Variants in KMT2E observed in about 807,000 individuals in gnomAD.
KMT2E encodes histone reader KMT2E.
In KMT2E, 30 loss-of-function variants were observed where a neutral mutation model predicts 184.6. That is an observed-to-expected ratio of 0.16 (90% CI 0.12 to 0.22). The LOEUF (loss-of-function observed/expected upper bound fraction) is 0.22. Ranked by LOEUF, KMT2E falls within the 10% of genes least tolerant of loss-of-function variation. The pLI is 1.00. For missense variants in KMT2E, 2,023 were observed against 2,237.4 expected (o/e 0.90, Z 1.93); for synonymous variants, 815 against 776.5 (o/e 1.05, Z -0.82).
At chr7:105,107,101 A>T (rs548900109) in intron 20 of KMT2E, 65 bp from the exon 21 acceptor site, 1 of 879,650 alleles carries the variant, frequency 1.1e-6, no homozygotes, top group Admixed American at 2.6e-5. Flanking sequence ...TTTCATTTCT[A>T]TAATTATTAT....
intron 17 of KMT2E, chr7:105,103,775 T>C (rs1281910388): frequency 6.6e-6 from 1 of 151,586 alleles, no homozygotes; most frequent in Non-Finnish European, 1.5e-5. Flanking sequence ...TGTGTGTATA[T>C]ATATATACAT....
At chr7:105,066,202 C>G (rs928507966) in intron 5 of KMT2E, among the ~76,000 whole-genome samples, 4 of 152,096 alleles carry the variant, frequency 2.6e-5, no homozygotes, top group Non-Finnish European at 1.5e-5. Context: ...CTGCACATTC[C>G]AAGTCCTAAG....
chr7:105,113,107 C>T lies in KMT2E; in HGVS notation c.5351C>T (p.Pro1784Leu), dbSNP rs373230792. Residue 1784 changes from proline to leucine, a missense_variant, in exon 27 of 27, where the codon CCA (proline) becomes CTA (leucine). Around this residue, in one of 8 missense-constraint regions of KMT2E, gnomAD observed 1,108 missense variants for 1,050.9 expected, o/e 1.05. Transcript: ENST00000311117. ...GPQHQPSGTG[P>L]HCPLPVTGPH... ...CAGCACCAGCCTTCTGGAACAGGGC[C>T]ACATTGTCCATTACCTGTCACAGGT... 5.6e-6 allele frequency: 9 copies of T among 1,614,062 alleles called. No individual in the cohort carries two copies. In the Admixed American group the frequency reaches 6.7e-5, roughly 12 times the overall value.
chr7:105,047,093 C>T (rs914693268), intron 3 of KMT2E, among the ~76,000 whole-genome samples: 2 of 152,248 alleles, frequency 1.3e-5, no homozygotes, highest in African/African-American at 4.8e-5. Context: ...ACATAGGATG[C>T]ACTTAATTTC....
At chr7:105,032,678 A>T (rs956820102) in intron 1 of KMT2E, among the ~76,000 whole-genome samples, 3 of 151,992 alleles carry the variant, frequency 2.0e-5, no homozygotes, top group Non-Finnish European at 2.9e-5. Flanking sequence ...ATTTTTAAAA[A>T]TTTTTTTGTA....
intron 3 of KMT2E, among the ~76,000 whole-genome samples, chr7:105,057,801 C>T (rs892850445): frequency 6.6e-6 from 1 of 152,050 alleles, no homozygotes; most frequent in Non-Finnish European, 1.5e-5. Context: ...ATTATTTCAC[C>T]CATGTATTAT....
chr7:105,077,470 G>A (rs760649661), intron 11 of KMT2E, 37 bp downstream of exon 11: 2 of 1,535,660 alleles, frequency 1.3e-6, no homozygotes, highest in Non-Finnish European at 1.8e-6. Context: ...ATTTTCTGTA[G>A]GTAAATATTG....
chr7:105,022,093 A>G (rs1207418472), intron 1 of KMT2E, among the ~76,000 whole-genome samples: 1 of 152,070 alleles, frequency 6.6e-6, no homozygotes, highest in African/African-American at 2.4e-5. Flanking sequence ...AGCCCTTATT[A>G]CTGAAGTATG....
At chr7:105,053,354 T>C (rs1230121852) in intron 3 of KMT2E, among the ~76,000 whole-genome samples, 1 of 152,174 alleles carries the variant, frequency 6.6e-6, no homozygotes, top group East Asian at 1.9e-4. Context: ...ATAAAGAATT[T>C]TAACAAGTAC....
Position 105,091,153 on chromosome 7 carries a change from T to C in KMT2E, c.1624-63T>C, listed in dbSNP as rs1798187860. The C allele has an allele frequency of 5.5e-6, 4 of 721,780 alleles. No individual in the cohort carries two copies. In the South Asian group the frequency reaches 7.0e-5, roughly 13 times the overall value. 44.7% of individuals were successfully genotyped at this position (721,780 alleles called of 1,614,324 possible). On this transcript the variant is annotated intron_variant, in intron 14 of 26. Transcript: ENST00000311117. Reference sequence around the variant, plus strand: ...GTGGTTGAAAGACATTAAAATAGTTTAATGTCACTAGTTGTATAGATGGAA... The same window carrying C: ...GTGGTTGAAAGACATTAAAATAGTTCAATGTCACTAGTTGTATAGATGGAA...
At chr7:105,041,127 C>T (rs1211165522) in intron 3 of KMT2E, 104 bp downstream of exon 3, 3 of 629,124 alleles carry the variant, frequency 4.8e-6, no homozygotes. Flanking sequence ...TTCTTCTTTC[C>T]TAGCCATTTT....
chr7:105,059,450 T>G lies in KMT2E; in HGVS notation c.72-2714T>G, dbSNP rs28430714. ...CAAAGGCAGTTTGGTAGTATCAGTT[T>G]TATGTACATTTACCCTTTTGTTCAG... On this transcript the variant is annotated intron_variant, in intron 3 of 26. Transcript: ENST00000311117. 6.9e-3 allele frequency among the ~76,000 whole-genome samples: 1,054 copies of G among 152,334 alleles called. 17 individuals are homozygous for G. Among genetic ancestry groups the G allele is most frequent in the African/African-American group, 0.024 (1,008 of 41,580 alleles).
chr7:105,082,982 G>A (rs1797817304), intron 13 of KMT2E, among the ~76,000 whole-genome samples: 1 of 152,058 alleles, frequency 6.6e-6, no homozygotes, highest in South Asian at 2.1e-4. Context: ...AATTTCTCTG[G>A]TGTGGTGTCT....
At position 105,066,924 on chromosome 7, in the gene KMT2E, G is replaced by T. The variant is rs536909168; in HGVS notation, c.497+117G>T. 11 of 742,786 alleles carry T rather than the reference G, an allele frequency of 1.5e-5. No individual in the cohort carries two copies. In the East Asian group the frequency reaches 3.0e-4, roughly 20 times the overall value. The allele number at this position is 742,786 out of a possible 1,614,324, so 46.0% of individuals were successfully genotyped here. A position where few individuals can be genotyped will look rare whatever the true frequency, so the allele number is the denominator to read the frequency against. On this transcript the variant is annotated intron_variant, in intron 6 of 26. Transcript: ENST00000311117. ...TAATGAATCACAGCCGGGCATGGTG[G>T]CTCATGCCTGTAGTGCCAACTACTT...
At chr7:105,098,234 A>ATT (rs34674654) in intron 15 of KMT2E, among the ~76,000 whole-genome samples, 22 of 136,980 alleles carry the variant, frequency 1.6e-4, no homozygotes, top group East Asian at 6.1e-4. Flanking sequence ...TCCTTTTCCT[A>ATT]TTTTTTTTTT....
chr7:105,111,921 G>A lies in KMT2E; in HGVS notation c.4165G>A (p.Ala1389Thr), dbSNP rs765627388. 1.9e-6 allele frequency: 3 copies of A among 1,614,124 alleles called. No individual in the cohort carries two copies. The highest frequency in any genetic ancestry group is 1.7e-6 in the Non-Finnish European group (2 of 1,180,026). The change falls in exon 27 of 27, where the codon GCT becomes ACT. Residue 1389 changes from alanine to threonine, a missense_variant. By Grantham distance (58) the Ala-to-Thr change is moderately conservative. This residue lies in a region of KMT2E where 1,108 missense variants were observed against 1,050.9 expected (regional missense o/e 1.05). Coordinates refer to ENST00000311117, the MANE Select transcript of KMT2E (RefSeq NM_182931.3). ...QWDSTVSASE[A>T]ENGVHLKTEL... Reference sequence around the variant, plus strand: ...GGACTCCACAGTTAGTGCATCCGAAGCTGAAAATGGTGTTCACCTAAAAAC... The same window carrying A: ...GGACTCCACAGTTAGTGCATCCGAAACTGAAAATGGTGTTCACCTAAAAAC...
At chr7:105,055,712 TGCA>T (rs1267668202) in intron 3 of KMT2E, among the ~76,000 whole-genome samples, 1 of 152,250 alleles carries the variant, frequency 6.6e-6, no homozygotes, top group Admixed American at 6.5e-5. Flanking sequence ...TATCTCTGAC[TGCA>T]TGTGTGCTTT....
At position 105,066,886 on chromosome 7, in the gene KMT2E, C is replaced by T. The variant is rs528262921; in HGVS notation, c.497+79C>T. On this transcript the variant is annotated intron_variant, in intron 6 of 26. Transcript: ENST00000311117. Reference sequence around the variant, plus strand: ...GTTAACAGAAATTCCTTTATGAATTCGAGTTAAAAAATTAATGAATCACAG... The same window carrying T: ...GTTAACAGAAATTCCTTTATGAATTTGAGTTAAAAAATTAATGAATCACAG... 6 of 1,066,796 alleles carry T rather than the reference C, an allele frequency of 5.6e-6. No individual in the cohort carries two copies. In the African/African-American group the frequency reaches 6.2e-5, roughly 11 times the overall value. The allele number at this position is 1,066,796 out of a possible 1,614,324, so 66.1% of individuals were successfully genotyped here. A position where few individuals can be genotyped will look rare whatever the true frequency, so the allele number is the denominator to read the frequency against.
intron 3 of KMT2E, among the ~76,000 whole-genome samples, chr7:105,047,743 C>T (rs1428408742): frequency 2.6e-5 from 4 of 152,252 alleles, no homozygotes; most frequent in African/African-American, 7.2e-5. Context: ...ATTTTAGATC[C>T]ATGTCTTGCT....
Sources: allele counts gnomAD v4.1 joint callset (sites outside exome capture counted in the v4.1 genomes callset), GRCh38; gene constraint gnomAD v4.1.1; regional missense constraint gnomAD v4.1.1; transcripts MANE v1.5; gene names NCBI Gene and HGNC (gene_info 2026-07-23, HGNC 2026-07-21).